IWS1: variants seen among roughly 807,000 people sequenced by gnomAD.
IWS1 encodes the protein protein IWS1 homolog.
A neutral mutation model predicts 86.7 loss-of-function variants in IWS1; 27 were observed. The observed-to-expected ratio is 0.31, with a 90% CI of 0.23 to 0.43. IWS1 has a LOEUF of 0.43. IWS1 is among the 20% of genes least tolerant of loss of function. The pLI, the probability that IWS1 is intolerant of heterozygous loss-of-function variation, is 1.00. For missense variants in IWS1, 827 were observed against 1,000.8 expected, an observed-to-expected ratio of 0.83 and a Z score of 2.34; for synonymous variants, 313 against 335.1, an observed-to-expected ratio of 0.93 and a Z score of 0.72.
At chr2:127,494,066 C>T (rs1189856310) in intron 8 of IWS1, among the ~76,000 whole-genome samples, 1 of 151,462 alleles carries the variant, frequency 6.6e-6, no homozygotes, top group East Asian at 1.9e-4. Flanking sequence ...TAGGCTGTGG[C>T]TTAGTTCAAA....
In IWS1 at chr2:127,498,229, G is replaced by A; in HGVS notation, c.1476C>T (p.Asn492=). ...DEEEEEFTGF[N]QEDLEEEKGE... ...CTTTTTCTTCTTCCAGATCTTCTTG[G>A]TTAAAACCCTAAATGCAAAATTATC... The change falls in exon 6 of 14, where the codon AAC becomes AAT. Residue 492 remains asparagine (N), a synonymous_variant. Transcript: ENST00000295321. 3 of 1,600,762 alleles carry A rather than the reference G, an allele frequency of 1.9e-6. No homozygotes were observed. Among genetic ancestry groups the A allele is most frequent in the Non-Finnish European group, 2.6e-6 (3 of 1,169,110 alleles).
At chr2:127,519,361 T>G (rs905379681) in intron 2 of IWS1, among the ~76,000 whole-genome samples, 4 of 3,152 alleles carry the variant, frequency 1.3e-3, no homozygotes, top group African/African-American at 6.6e-3. Flanking sequence ...AAAAATAAGT[T>G]TTTTTTTTAA....
intron 1 of IWS1, among the ~76,000 whole-genome samples, chr2:127,525,645 G>C (rs910185417): frequency 6.6e-6 from 1 of 152,148 alleles, no homozygotes; most frequent in Admixed American, 6.5e-5. Flanking sequence ...ACCAAACTTC[G>C]GTGAGGAGGA....
intron 13 of IWS1, 42 bp from the exon 14 acceptor site, chr2:127,481,217 C>CG (rs1689604623): frequency 6.4e-7 from 1 of 1,559,914 alleles, no homozygotes; most frequent in Non-Finnish European, 8.6e-7. Context: ...TACTGAAATA[C>CG]GTAAGTCTAG....
At chr2:127,483,570 T>TAGG (rs1689747861) in intron 13 of IWS1, among the ~76,000 whole-genome samples, 1 of 1,884 alleles carries the variant, frequency 5.3e-4, no homozygotes, top group Non-Finnish European at 1.4e-3. Context: ...TATAATTTGG[T>TAGG]CGGGGCGGGG....
In IWS1 at chr2:127,508,221, T is replaced by A. The variant is rs534817417; in HGVS notation, c.151-2469A>T. ...GCGGAGTATGTCACAGGGCCTGACC[T>A]TAAGAGCTGCTGTCTGATGAGGAGC... On this transcript the variant is annotated intron_variant, in intron 2 of 13. Transcript: ENST00000295321. Among the ~76,000 whole-genome samples the A allele has an allele frequency of 9.0e-4, 137 of 152,060 alleles. 2 individuals carry two copies. Among genetic ancestry groups the A allele is most frequent in the Non-Finnish European group, 1.6e-3 (111 of 67,994 alleles).
Position 127,494,860 on chromosome 2 carries a change from C to T in IWS1, c.1799+12G>A, listed in dbSNP as rs780037295. 1.1e-5 allele frequency: 17 copies of T among 1,502,880 alleles called. No homozygotes were observed. The highest frequency in any genetic ancestry group is 1.4e-5 in the Non-Finnish European group (16 of 1,105,510). The allele number at this position is 1,502,880 out of a possible 1,614,324, so 93.1% of individuals were successfully genotyped here. On this transcript the variant is annotated intron_variant, in intron 8 of 13. Coordinates refer to ENST00000295321, the MANE Select transcript of IWS1 (RefSeq NM_017969.3). The stretch of plus-strand genomic sequence containing the variant: ...AAGGAAAAAGACATTTTAAAGAAAA[C>T]AAAATACTTACTTCTTAAGGTGCAT...
At chr2:127,494,801 C>T in intron 8 of IWS1, 71 bp downstream of exon 8, 1 of 790,676 alleles carries the variant, frequency 1.3e-6, no homozygotes, top group Non-Finnish European at 2.1e-6. Context: ...ATTCCTAGAA[C>T]ACCAGTACAT....
In IWS1 at chr2:127,526,337, G is replaced by A; in HGVS notation, c.-129C>T. ...GCCGCCCGACCGGAGAACTTAACGG[G>A]TGCGGAGGGTAAGAAAGCGGTAGCG... On this transcript the variant is annotated 5_prime_UTR_variant, in exon 1 of 14. Transcript: ENST00000295321. 2 of 1,538,684 alleles carry A rather than the reference G, an allele frequency of 1.3e-6. No individual in the cohort carries two copies. The highest frequency in any genetic ancestry group is 8.7e-7 in the Non-Finnish European group (1 of 1,146,706).
At chr2:127,523,946 T>C (rs976752294) in intron 1 of IWS1, among the ~76,000 whole-genome samples, 155 bp from the exon 2 acceptor site, 3 of 152,208 alleles carry the variant, frequency 2.0e-5, no homozygotes, top group East Asian at 3.8e-4. Context: ...GGTAATACAA[T>C]ACTCATACAA....
chr2:127,520,944 T>C (rs958191444), intron 2 of IWS1, among the ~76,000 whole-genome samples: 1 of 152,180 alleles, frequency 6.6e-6, no homozygotes, highest in African/African-American at 2.4e-5. Context: ...CTTAAAAGTA[T>C]CATCTTAAGT....
intron 10 of IWS1, among the ~76,000 whole-genome samples, chr2:127,490,560 C>T (rs894638838): frequency 3.9e-5 from 6 of 152,182 alleles, no homozygotes; most frequent in African/African-American, 1.4e-4. Context: ...ACATTTAATA[C>T]ACTATAAAAA....
chr2:127,493,001 C>T (rs368142375), intron 9 of IWS1: 1 of 218,466 alleles, frequency 4.6e-6, no homozygotes, highest in Non-Finnish European at 8.9e-6. Context: ...GTTCATTCTG[C>T]GTCACATTTC....
At chr2:127,484,467 C>T (rs577730071) in intron 13 of IWS1, 1 of 152,268 alleles carries the variant, frequency 6.6e-6, no homozygotes, top group Non-Finnish European at 1.5e-5. Context: ...TAATACTGCT[C>T]ATTAGCGTCT....
rs1258680451 is a variant in IWS1 at position 127,499,156 on chromosome 2, T to A, written c.1468-919A>T. Among the ~76,000 whole-genome samples, 1 of 151,180 alleles carries A rather than the reference T, an allele frequency of 6.6e-6. No individual in the cohort carries two copies. Among genetic ancestry groups the A allele is most frequent in the Non-Finnish European group, 1.5e-5 (1 of 67,916 alleles). ...CCCAGGCCAGAGTGCAGTGGCGTGA[T>A]CTCGGCTCACTGCAAGCTCCACCTC... On this transcript the variant is annotated intron_variant, in intron 5 of 13. Coordinates refer to ENST00000295321, the MANE Select transcript of IWS1 (RefSeq NM_017969.3). The surrounding 1 kb of genome is among the most constrained non-coding windows in gnomAD (Gnocchi z 4.0).
intron 2 of IWS1, among the ~76,000 whole-genome samples, chr2:127,509,163 G>C (rs1225378556): frequency 6.6e-6 from 1 of 152,136 alleles, no homozygotes; most frequent in East Asian, 1.9e-4. Flanking sequence ...AATTTGGGAC[G>C]AGTATGCTGG....
intron 1 of IWS1, 25 bp downstream of exon 1, chr2:127,526,150 C>T (rs753885907): frequency 1.3e-6 from 2 of 1,590,362 alleles, no homozygotes; most frequent in African/African-American, 2.7e-5. Context: ...GCCTCCCAGC[C>T]CGGTCCCCCA....
Position 127,526,426 on chromosome 2 carries a change from G to C in IWS1, c.-218C>G, listed in dbSNP as rs1295768506. On this transcript the variant is annotated 5_prime_UTR_variant, in exon 1 of 14. Coordinates refer to ENST00000295321, the MANE Select transcript of IWS1 (RefSeq NM_017969.3). The stretch of plus-strand genomic sequence containing the variant: ...AAGGCCGTACCCGGCAGGCTGGCGG[G>C]CGGGCAGGCATGCGAGCCGGCGTTC... 2 of 1,535,898 alleles carry C rather than the reference G, an allele frequency of 1.3e-6. No homozygotes were observed. Among genetic ancestry groups the C allele is most frequent in the Admixed American group, 2.0e-5 (1 of 50,864 alleles).
rs1363172925 is a variant in IWS1, at chr2:127,502,816, G to A, written c.1466C>T (p.Thr489Ile). 2 of 1,522,086 alleles carry A rather than the reference G, an allele frequency of 1.3e-6. No individual in the cohort carries two copies. Among genetic ancestry groups the A allele is most frequent in the Non-Finnish European group, 1.8e-6 (2 of 1,099,936 alleles). The allele number at this position is 1,522,086 out of a possible 1,614,324, so 94.3% of individuals were successfully genotyped here. ...GAAATATTTCCATCTTATACTTACTGTAAATTCTTCTTCCTCTTCATCACC... is the reference window on the plus strand; with the variant it reads ...GAAATATTTCCATCTTATACTTACTATAAATTCTTCTTCCTCTTCATCACC... ...ESGDEEEEEFTGFNQEDLEEE... is the reference protein window; with the variant it reads ...ESGDEEEEEFIGFNQEDLEEE... The change falls in exon 5 of 14, where the codon ACA becomes ATA. Residue 489 changes from threonine to isoleucine, a missense_variant and splice_region_variant. Thr to Ile is a moderately conservative substitution (Grantham distance 89, BLOSUM62 -1). Coordinates refer to ENST00000295321, the MANE Select transcript of IWS1 (RefSeq NM_017969.3).
Sources: allele counts gnomAD v4.1 joint callset (sites outside exome capture counted in the v4.1 genomes callset), GRCh38; gene constraint gnomAD v4.1.1; non-coding constraint Gnocchi (gnomAD v3.1); transcripts MANE v1.5; gene names NCBI Gene and HGNC (gene_info 2026-07-23, HGNC 2026-07-21).